Variants in UGGT2 observed in about 807,000 individuals in gnomAD.
The protein encoded by UGGT2 is UDP-glucose:glycoprotein glucosyltransferase 2.
In UGGT2, 180 loss-of-function variants were observed where a neutral mutation model predicts 192.1. The ratio of observed to expected loss-of-function variants is 0.94; its 90% CI spans 0.83 to 1.06. The LOEUF (loss-of-function observed/expected upper bound fraction) is 1.06. Ranked by LOEUF, UGGT2 falls within the 50% of genes least tolerant of loss-of-function variation. UGGT2 has a pLI of 0.00. For synonymous variants in UGGT2, 580 were observed against 591.0 expected (o/e 0.98, Z 0.27); for missense variants, 1,849 against 1,795.7 (o/e 1.03, Z -0.54).
chr13:96,044,391 G>C (rs1813179), intron 1 of UGGT2, among the ~76,000 whole-genome samples: 59,917 of 151,962 alleles, frequency 0.39, 12,048 homozygotes, highest in Middle Eastern at 0.44. Flanking sequence ...AGCCCTAAAT[G>C]CCTACATCAG....
At chr13:95,971,781 A>G (rs2050780870) in intron 11 of UGGT2, among the ~76,000 whole-genome samples, 1 of 152,204 alleles carries the variant, frequency 6.6e-6, no homozygotes, top group Non-Finnish European at 1.5e-5. Context: ...TAAAGAGAAA[A>G]GCCCCATTTG....
chr13:95,903,406 G>A (rs1231763818), intron 20 of UGGT2, among the ~76,000 whole-genome samples: 1 of 152,142 alleles, frequency 6.6e-6, no homozygotes, highest in Non-Finnish European at 1.5e-5. Flanking sequence ...GGCACTGCCA[G>A]CAACTCCAAA....
intron 22 of UGGT2, 39 bp downstream of exon 22, chr13:95,900,768 T>C: frequency 6.3e-7 from 1 of 1,587,710 alleles, no homozygotes; most frequent in South Asian, 1.2e-5. Flanking sequence ...TGCACTGCAG[T>C]GTCACTGAGA....
chr13:96,046,830 A>G (rs539220927), intron 1 of UGGT2, among the ~76,000 whole-genome samples: 22 of 152,302 alleles, frequency 1.4e-4, no homozygotes, highest in Middle Eastern at 3.4e-3. Flanking sequence ...TATCCTGCGC[A>G]TGGCTTGAAG....
At chr13:95,943,926 C>T (rs1413141906) in intron 15 of UGGT2, among the ~76,000 whole-genome samples, 1 of 151,948 alleles carries the variant, frequency 6.6e-6, no homozygotes, top group East Asian at 1.9e-4. Flanking sequence ...AATTCCCTTA[C>T]ATAATAGTTC....
rs2049490283 is a variant in UGGT2, at chr13:95,937,075, A to G, written c.1826T>C (p.Phe609Ser). Residue 609 changes from phenylalanine to serine, a missense_variant, in exon 17 of 39, where the codon TTT becomes TCT. Coordinates refer to ENST00000376747, the MANE Select transcript of UGGT2 (RefSeq NM_020121.4). ...AGGACCCAGGCCAGTCATCTTATAA[A>G]AGCTTGCTCCAGCCTATTCAGTTAA... is the stretch of plus-strand genomic sequence containing the variant. ...YDEERKAGAS[F>S]YKMTGLGPLP... The G allele has an allele frequency of 6.3e-7, 1 of 1,597,282 alleles. No homozygotes were observed. The highest frequency in any genetic ancestry group is 1.9e-5 in the Admixed American group (1 of 53,774).
intron 38 of UGGT2, among the ~76,000 whole-genome samples, chr13:95,817,502 G>A (rs1013598793): frequency 2.0e-5 from 3 of 152,088 alleles, no homozygotes; most frequent in Non-Finnish European, 4.4e-5. Flanking sequence ...AGGATTGCTT[G>A]AGCCCAGGAG....
At chr13:95,855,315 C>T (rs1048671490) in intron 34 of UGGT2, among the ~76,000 whole-genome samples, 2 of 151,486 alleles carry the variant, frequency 1.3e-5, no homozygotes, top group African/African-American at 4.8e-5. Flanking sequence ...ACTTTTTGTT[C>T]CACATAAATT....
intron 12 of UGGT2, among the ~76,000 whole-genome samples, chr13:95,964,930 G>C (rs551771931): frequency 3.3e-5 from 5 of 152,168 alleles, no homozygotes; most frequent in Admixed American, 6.5e-5. Context: ...AGTGGGTGAA[G>C]GACATGAACA....
intron 33 of UGGT2, 173 bp from the exon 34 acceptor site, chr13:95,856,513 TAAC>T: frequency 1.7e-6 from 1 of 583,810 alleles, no homozygotes; most frequent in East Asian, 3.1e-5. Flanking sequence ...ATTAAAATGC[TAAC>T]AAATATGAAA....
At chr13:95,836,514 T>C (rs766595606) in intron 37 of UGGT2, among the ~76,000 whole-genome samples, 3 of 152,172 alleles carry the variant, frequency 2.0e-5, no homozygotes, top group Non-Finnish European at 4.4e-5. Flanking sequence ...AGTAACTCAC[T>C]GTGTCTAAAT....
chr13:95,900,826 C>A lies in UGGT2; in HGVS notation c.2615G>T (p.Gly872Val). ...ACTTACTCTCCCATTGCTGACAATA[C>A]CCATTTCTCCAGGACGTAATTTAAG... is the stretch of plus-strand genomic sequence containing the variant. ...DVLKLRPGEMGIVSNGRFLGP... is the reference protein window; with the variant it reads ...DVLKLRPGEMVIVSNGRFLGP... The change falls in exon 22 of 39, where the codon GGT becomes GTT. Residue 872 changes from glycine (G) to valine (V), a missense_variant. Gly to Val is a moderately radical substitution (Grantham distance 109, BLOSUM62 -3). Coordinates refer to ENST00000376747, the MANE Select transcript of UGGT2 (RefSeq NM_020121.4). 1.2e-6 allele frequency: 2 copies of A among 1,610,162 alleles called. No homozygotes were observed. Among genetic ancestry groups the A allele is most frequent in the Non-Finnish European group, 1.7e-6 (2 of 1,178,436 alleles).
chr13:96,015,977 T>C (rs2139084928), intron 4 of UGGT2, among the ~76,000 whole-genome samples: 1 of 152,332 alleles, frequency 6.6e-6, no homozygotes, highest in African/African-American at 2.4e-5. Flanking sequence ...GTCACCCTTG[T>C]TATGCCTTAG....
intron 38 of UGGT2, among the ~76,000 whole-genome samples, chr13:95,820,234 A>G (rs1439534952): frequency 6.6e-6 from 1 of 152,194 alleles, no homozygotes; most frequent in East Asian, 1.9e-4. Context: ...AATATATCCA[A>G]TATAAATCTT....
chr13:95,929,101 G>A (rs1028462114), intron 17 of UGGT2, among the ~76,000 whole-genome samples: 3 of 152,126 alleles, frequency 2.0e-5, no homozygotes, highest in Non-Finnish European at 4.4e-5. Context: ...GGCTGAGGCA[G>A]GAGAATCAGG....
chr13:95,905,631 G>A (rs971061554), intron 20 of UGGT2, among the ~76,000 whole-genome samples: 22 of 152,122 alleles, frequency 1.4e-4, no homozygotes, highest in African/African-American at 5.1e-4. Flanking sequence ...ATTTCTGAGG[G>A]TTCTGTTCTG....
intron 17 of UGGT2, among the ~76,000 whole-genome samples, chr13:95,928,294 G>A (rs1390918378): frequency 1.3e-5 from 2 of 151,676 alleles, no homozygotes. Flanking sequence ...GGCCGGGCAG[G>A]GGCTGCCCCC....
chr13:95,890,108 G>A (rs542076764), intron 25 of UGGT2, among the ~76,000 whole-genome samples: 6 of 152,216 alleles, frequency 3.9e-5, no homozygotes, highest in Non-Finnish European at 8.8e-5. Context: ...TTGTTATAGC[G>A]GCCAAACCTA....
intron 20 of UGGT2, among the ~76,000 whole-genome samples, chr13:95,906,143 T>G (rs1327246774): frequency 2.0e-5 from 3 of 152,338 alleles, no homozygotes; most frequent in Non-Finnish European, 4.4e-5. Context: ...CTTGGTACTT[T>G]GAATTTCTGG....
Sources: gnomAD v4.1 joint callset for allele counts (sites outside exome capture counted in the v4.1 genomes callset) on GRCh38, gnomAD v4.1.1 for gene constraint, MANE v1.5 for transcripts, NCBI Gene and HGNC (gene_info 2026-07-23, HGNC 2026-07-21) for gene names.